The following ROR2 variants were observed in gnomAD, a reference collection of about 807,000 sequenced individuals.
ROR2 encodes ROR family WNT receptor 2.
ROR2 carries 33 observed loss-of-function variants against 74.9 expected under a neutral mutation model. The observed-to-expected ratio is 0.44, with a 90% CI of 0.33 to 0.59. The LOEUF (loss-of-function observed/expected upper bound fraction) is 0.59. Among genes scored for constraint, ROR2 ranks in the 20% least tolerant of loss-of-function variants. The pLI, the probability that ROR2 is intolerant of heterozygous loss-of-function variation, is 0.02. For missense variants in ROR2, 1,216 were observed against 1,313.8 expected (o/e 0.93, Z 1.15); for synonymous variants, 586 against 558.7 (o/e 1.05, Z -0.69).
At chr9:91,922,476 T>C (rs1212130213) in intron 1 of ROR2, among the ~76,000 whole-genome samples, 1 of 149,554 alleles carries the variant, frequency 6.7e-6, no homozygotes, top group Non-Finnish European at 1.5e-5. Context: ...TTTTTTGAGA[T>C]GGAGTCTCAC....
At chr9:91,800,081 C>A (rs1564284441) in intron 1 of ROR2, among the ~76,000 whole-genome samples, 1 of 152,334 alleles carries the variant, frequency 6.6e-6, no homozygotes, top group East Asian at 1.9e-4. Flanking sequence ...GTGGCTCATG[C>A]CTGTAATCCC....
At chr9:91,758,176 A>G (rs1180974311) in intron 2 of ROR2, among the ~76,000 whole-genome samples, 2 of 152,232 alleles carry the variant, frequency 1.3e-5, no homozygotes, top group Non-Finnish European at 2.9e-5. Context: ...CTGGGACACA[A>G]ATTTTTCACT....
chr9:91,795,229 T>C (rs1407592026), intron 1 of ROR2, among the ~76,000 whole-genome samples: 2 of 152,230 alleles, frequency 1.3e-5, no homozygotes, highest in African/African-American at 2.4e-5. Flanking sequence ...ATTTCTAATA[T>C]GAGACAGAGT....
intron 1 of ROR2, among the ~76,000 whole-genome samples, chr9:91,865,667 A>T (rs1414332837): frequency 1.3e-5 from 2 of 152,254 alleles, no homozygotes; most frequent in Non-Finnish European, 2.9e-5. Flanking sequence ...CATTTATTTT[A>T]AATGAAATAC....
At chr9:91,742,364 A>T (rs940949279) in intron 4 of ROR2, among the ~76,000 whole-genome samples, 2 of 152,200 alleles carry the variant, frequency 1.3e-5, no homozygotes, top group African/African-American at 4.8e-5. Flanking sequence ...GATACAATTC[A>T]AGTTGAGATT....
rs201566562 is a variant in ROR2 at position 91,764,558 on chromosome 9, T to A, written c.176-6999A>T. 2.2e-4 allele frequency among the ~76,000 whole-genome samples: 26 copies of A among 115,878 alleles called. 1 individual carries two copies. In the Admixed American group the frequency reaches 2.5e-3, roughly 11 times the overall value. The allele number at this position is 115,878 out of a possible 152,430, so 76.0% of individuals were successfully genotyped here. A position where few individuals can be genotyped will look rare whatever the true frequency, so the allele number is the denominator to read the frequency against. ...TTTAAATGCTATGAGCTATAATCAC[T>A]TACACACACACACACACACACACAC... On this transcript the variant is annotated intron_variant, in intron 2 of 8. Transcript: ENST00000375708.
chr9:91,892,590 CT>C (rs547073635), intron 1 of ROR2, among the ~76,000 whole-genome samples: 21,978 of 105,230 alleles, frequency 0.21, 2,356 homozygotes, highest in African/African-American at 0.41. Flanking sequence ...CTTTTCTTTT[CT>C]TTTTTTTTTT....
At position 91,920,522 on chromosome 9, in the gene ROR2, A is replaced by G. The variant is rs369356967; in HGVS notation, c.97+29345T>C. On this transcript the variant is annotated intron_variant, in intron 1 of 8. Coordinates refer to ENST00000375708, the MANE Select transcript of ROR2 (RefSeq NM_004560.4). ...CCCTGTCTGGAAAAGAAAAAGAACA[A>G]GTACACAATGCTTTACCCTGCCCAC... Among the ~76,000 whole-genome samples, 5 of 152,168 alleles carry G rather than the reference A, an allele frequency of 3.3e-5. No individual in the cohort carries two copies. The South Asian group carries it at 1.0e-3, about 31-fold the overall frequency.
At chr9:91,866,152 C>G (rs1290577097) in intron 1 of ROR2, among the ~76,000 whole-genome samples, 1 of 152,082 alleles carries the variant, frequency 6.6e-6, no homozygotes. Flanking sequence ...TGGAGTCTCG[C>G]TCTGTCACCC....
chr9:91,730,218 C>T (rs953636499), intron 7 of ROR2, among the ~76,000 whole-genome samples: 3 of 151,962 alleles, frequency 2.0e-5, no homozygotes, highest in Non-Finnish European at 2.9e-5. Flanking sequence ...ACTGGGATTA[C>T]AGGTTGTGAG....
intron 1 of ROR2, among the ~76,000 whole-genome samples, chr9:91,918,262 T>TC: frequency 7.8e-6 from 1 of 127,636 alleles, no homozygotes; most frequent in African/African-American, 3.4e-5. Flanking sequence ...GAGACTCGTC[T>TC]CAAAAAAAAA....
intron 1 of ROR2, among the ~76,000 whole-genome samples, chr9:91,931,063 AAAAAT>A (rs912697927): frequency 2.0e-5 from 3 of 152,224 alleles, no homozygotes; most frequent in Non-Finnish European, 4.4e-5. Flanking sequence ...AGGAGGCACT[AAAAAT>A]AGAAACTATG....
intron 2 of ROR2, among the ~76,000 whole-genome samples, chr9:91,763,276 C>T (rs560892448): frequency 4.3e-4 from 66 of 152,296 alleles, no homozygotes; most frequent in Non-Finnish European, 8.2e-4. Context: ...CCCCACGGCA[C>T]ACAATTTACC....
intron 1 of ROR2, among the ~76,000 whole-genome samples, chr9:91,802,343 T>G (rs1461418692): frequency 6.6e-6 from 1 of 152,138 alleles, no homozygotes; most frequent in Non-Finnish European, 1.5e-5. Context: ...CTCAAAGTGC[T>G]GAGATTACAG....
At chr9:91,749,354 G>C (rs1447250864) in intron 4 of ROR2, among the ~76,000 whole-genome samples, 1 of 152,198 alleles carries the variant, frequency 6.6e-6, no homozygotes, top group African/African-American at 2.4e-5. Flanking sequence ...TTGGCTCCTG[G>C]TGGGGGTTCT....
chr9:91,747,057 T>C (rs1307725873), intron 4 of ROR2, among the ~76,000 whole-genome samples: 1 of 152,122 alleles, frequency 6.6e-6, no homozygotes, highest in Non-Finnish European at 1.5e-5. Context: ...CTCATCTAAA[T>C]GTGCCACGTT....
chr9:91,829,320 A>T (rs1275655602), intron 1 of ROR2, among the ~76,000 whole-genome samples: 1 of 152,114 alleles, frequency 6.6e-6, no homozygotes, highest in African/African-American at 2.4e-5. Flanking sequence ...AGGCAGATGA[A>T]TTGCCTGAGC....
chr9:91,944,086 T>C (rs1029317034), intron 1 of ROR2, among the ~76,000 whole-genome samples: 2 of 152,324 alleles, frequency 1.3e-5, no homozygotes, highest in Middle Eastern at 3.4e-3. Flanking sequence ...CCCTGGGCAA[T>C]TTCATCATCA....
intron 1 of ROR2, among the ~76,000 whole-genome samples, chr9:91,831,080 G>A (rs1432118940): frequency 6.6e-6 from 1 of 151,924 alleles, no homozygotes; most frequent in Non-Finnish European, 1.5e-5. Context: ...TGACCAACAT[G>A]GAGAAACCCC....
Sources: allele counts gnomAD v4.1 joint callset (sites outside exome capture counted in the v4.1 genomes callset), GRCh38; gene constraint gnomAD v4.1.1; transcripts MANE v1.5; gene names NCBI Gene and HGNC (gene_info 2026-07-23, HGNC 2026-07-21).